Variants in CLSTN2 observed in about 807,000 individuals in gnomAD.
CLSTN2 encodes calsyntenin 2.
Under a neutral mutation model 101.2 loss-of-function variants are expected in CLSTN2, and 48 were observed. The observed-to-expected ratio is 0.47, with a 90% CI of 0.38 to 0.60. The LOEUF is 0.60. Among genes scored for constraint, CLSTN2 ranks in the 20% least tolerant of loss-of-function variants. The pLI is 0.00. For missense variants in CLSTN2, 1,160 were observed against 1,238.2 expected, an observed-to-expected ratio of 0.94 and a Z score of 0.95; for synonymous variants, 481 against 463.6, an observed-to-expected ratio of 1.04 and a Z score of -0.48.
chr3:140,556,696 G>A, intron 11 of CLSTN2, 35 bp downstream of exon 11: 1 of 1,603,598 alleles, frequency 6.2e-7, no homozygotes, highest in Non-Finnish European at 8.5e-7. Context: ...GGCCAACTGA[G>A]GCAGCAGTTG....
chr3:140,388,050 T>C (rs1345584646), intron 2 of CLSTN2, among the ~76,000 whole-genome samples: 1 of 152,250 alleles, frequency 6.6e-6, no homozygotes, highest in African/African-American at 2.4e-5. Context: ...CTTCTCACGC[T>C]TCACCAGCAG....
At chr3:140,094,504 C>T (rs988639786) in intron 1 of CLSTN2, among the ~76,000 whole-genome samples, 16 of 152,092 alleles carry the variant, frequency 1.1e-4, no homozygotes, top group African/African-American at 3.1e-4. Flanking sequence ...TAATTAGCAT[C>T]AATTCCATGT....
At chr3:140,444,152 G>T (rs1019378702) in intron 5 of CLSTN2, among the ~76,000 whole-genome samples, 1 of 152,160 alleles carries the variant, frequency 6.6e-6, no homozygotes, top group African/African-American at 2.4e-5. Context: ...GAGGAGTTTT[G>T]TAAAAAAGCT....
At chr3:140,386,706 C>G (rs2088055408) in intron 2 of CLSTN2, among the ~76,000 whole-genome samples, 1 of 152,164 alleles carries the variant, frequency 6.6e-6, no homozygotes, top group Admixed American at 6.5e-5. Flanking sequence ...ATGGACAGCT[C>G]TGGTTCTCAA....
At chr3:139,977,977 C>G (rs1290251144) in intron 1 of CLSTN2, among the ~76,000 whole-genome samples, 2 of 152,132 alleles carry the variant, frequency 1.3e-5, no homozygotes, top group African/African-American at 4.8e-5. Context: ...TGACATTTCC[C>G]ATTTCGACAC....
At chr3:140,491,112 A>G (rs969858333) in intron 8 of CLSTN2, among the ~76,000 whole-genome samples, 1 of 152,190 alleles carries the variant, frequency 6.6e-6, no homozygotes, top group Non-Finnish European at 1.5e-5. Context: ...TGAAAAGCAT[A>G]CTTTATATGA....
At chr3:140,350,801 A>C (rs953638892) in intron 2 of CLSTN2, among the ~76,000 whole-genome samples, 1 of 152,162 alleles carries the variant, frequency 6.6e-6, no homozygotes, top group African/African-American at 2.4e-5. Flanking sequence ...ATGGTTCTGA[A>C]GAGTTTGAGA....
chr3:140,150,735 G>T (rs1271361791), intron 1 of CLSTN2, among the ~76,000 whole-genome samples: 1 of 152,066 alleles, frequency 6.6e-6, no homozygotes, highest in Non-Finnish European at 1.5e-5. Flanking sequence ...CTCTGCCCTT[G>T]CTGCTTTTTT....
At chr3:140,140,204 T>A (rs776471202) in intron 1 of CLSTN2, among the ~76,000 whole-genome samples, 26 of 152,186 alleles carry the variant, frequency 1.7e-4, no homozygotes, top group Non-Finnish European at 3.2e-4. Flanking sequence ...TACATCCTTT[T>A]ATTGTTGTGT....
chr3:140,232,132 T>C (rs2107860829), intron 2 of CLSTN2, among the ~76,000 whole-genome samples: 1 of 152,190 alleles, frequency 6.6e-6, no homozygotes, highest in East Asian at 1.9e-4. Context: ...ACCTGTGATA[T>C]AGCTTGTGAG....
chr3:140,536,776 C>G (rs912437209), intron 9 of CLSTN2, among the ~76,000 whole-genome samples: 16 of 152,148 alleles, frequency 1.1e-4, no homozygotes, highest in African/African-American at 3.9e-4. Flanking sequence ...GGAGGCAACA[C>G]CATATGCTAT....
intron 1 of CLSTN2, among the ~76,000 whole-genome samples, chr3:140,103,295 T>TTCA (rs1484733677): frequency 6.6e-6 from 1 of 152,212 alleles, no homozygotes; most frequent in Non-Finnish European, 1.5e-5. Context: ...TCTCACTGTC[T>TTCA]TCATCACTCT....
intron 7 of CLSTN2, among the ~76,000 whole-genome samples, chr3:140,465,654 G>A (rs72987112): frequency 0.054 from 8,279 of 152,264 alleles, 729 homozygotes; most frequent in African/African-American, 0.19. Flanking sequence ...ATTGGTAGCA[G>A]TATTCCATTC....
intron 8 of CLSTN2, among the ~76,000 whole-genome samples, chr3:140,473,560 G>T (rs1321149391): frequency 1.3e-5 from 2 of 152,150 alleles, no homozygotes; most frequent in Non-Finnish European, 2.9e-5. Context: ...TCAGAATGAT[G>T]TGAGACCATG....
chr3:139,999,792 G>A (rs879716496), intron 1 of CLSTN2, among the ~76,000 whole-genome samples: 1 of 151,942 alleles, frequency 6.6e-6, no homozygotes, highest in African/African-American at 2.4e-5. Context: ...CATTTGCTGT[G>A]TGAATTATAT....
intron 1 of CLSTN2, among the ~76,000 whole-genome samples, chr3:140,005,535 G>A (rs73224993): frequency 4.6e-5 from 7 of 152,100 alleles, no homozygotes; most frequent in Middle Eastern, 3.4e-3. Context: ...GTCTCCTTTC[G>A]GCCTCAGTAA....
chr3:140,259,691 T>C (rs1355496507), intron 2 of CLSTN2, among the ~76,000 whole-genome samples: 3 of 152,150 alleles, frequency 2.0e-5, no homozygotes, highest in Admixed American at 6.5e-5. Context: ...TCTGACCCTA[T>C]AGATTATTTT....
chr3:140,479,959 T>A (rs1037980771), intron 8 of CLSTN2, among the ~76,000 whole-genome samples: 3 of 152,174 alleles, frequency 2.0e-5, no homozygotes, highest in Admixed American at 6.5e-5. Context: ...CTCTTTTTTT[T>A]TTATTATTAT....
chr3:140,240,574 G>A (rs2086458643), intron 2 of CLSTN2, among the ~76,000 whole-genome samples: 3 of 152,104 alleles, frequency 2.0e-5, no homozygotes, highest in Admixed American at 6.6e-5. Flanking sequence ...GGACAGATGA[G>A]TTAACATTTA....
Sources: gnomAD v4.1 joint callset for allele counts (sites outside exome capture counted in the v4.1 genomes callset) on GRCh38, gnomAD v4.1.1 for gene constraint, MANE v1.5 for transcripts, NCBI Gene and HGNC (gene_info 2026-07-23, HGNC 2026-07-21) for gene names.